The following METTL22 variants were observed in gnomAD, a reference collection of about 807,000 sequenced individuals.
METTL22 encodes methyltransferase 22, Kin17 lysine.
METTL22 carries 51 observed loss-of-function variants against 48.4 expected under a neutral mutation model. The ratio of observed to expected loss-of-function variants is 1.05; its 90% CI spans 0.84 to 1.33. METTL22 has a LOEUF of 1.33. Ranked by LOEUF, METTL22 falls within the 40% of genes most tolerant of loss-of-function variation. The probability of loss-of-function intolerance (pLI) is 0.00; values close to 1 mark genes in which losing one functional copy is unlikely to be tolerated. For synonymous variants in METTL22, 255 were observed against 214.1 expected, an observed-to-expected ratio of 1.19 and a Z score of -1.67; for missense variants, 678 against 526.9, an observed-to-expected ratio of 1.29 and a Z score of -2.81.
chr16:8,625,488 A>T lies in METTL22; in HGVS notation c.-170-8A>T. ...TGAATATAAACAAAATAACGCATTA[A>T]TTTCCAGCTGGATTCTCTTCCCTGG... On this transcript the variant is annotated splice_region_variant and splice_polypyrimidine_tract_variant and intron_variant, in intron 1 of 10. Transcript: ENST00000381920. 4 of 474,420 alleles carry T rather than the reference A, an allele frequency of 8.4e-6. No homozygotes were observed. Among genetic ancestry groups the T allele is most frequent in the Non-Finnish European group, 1.1e-5 (3 of 270,486 alleles). The allele number at this position is 474,420 out of a possible 1,614,324, so 29.4% of individuals were successfully genotyped here.
At chr16:8,637,854 C>CTGGCCAGGCGTGGTGGCTA (rs1051712169) in intron 5 of METTL22, among the ~76,000 whole-genome samples, 3 of 152,136 alleles carry the variant, frequency 2.0e-5, no homozygotes, top group African/African-American at 7.2e-5. Context: ...ACTGCTGACC[C>CTGGCCAGGCGTGGTGGCTA]TGGCCAGGCG....
the METTL22 span, among the ~76,000 whole-genome samples, chr16:8,660,517 T>G: frequency 6.6e-6 from 1 of 152,070 alleles, no homozygotes; most frequent in Non-Finnish European, 1.5e-5. Flanking sequence ...TCCTACTTCC[T>G]AGAAGAATCC....
chr16:8,628,615 T>C (rs770849843), intron 2 of METTL22, 115 bp from the exon 3 acceptor site: 37 of 1,374,750 alleles, frequency 2.7e-5, no homozygotes, highest in Admixed American at 8.1e-5. Context: ...AGTATATCTC[T>C]ACCTGGCCTT....
chr16:8,627,885 T>C (rs111447643), intron 2 of METTL22, among the ~76,000 whole-genome samples: 2 of 152,178 alleles, frequency 1.3e-5, no homozygotes, highest in Non-Finnish European at 2.9e-5. Flanking sequence ...TAGCTGGGAC[T>C]ATAGGCACAT....
intron 2 of METTL22, 146 bp downstream of exon 2, chr16:8,625,944 A>AT (rs901853380): frequency 1.9e-6 from 2 of 1,055,528 alleles, no homozygotes; most frequent in South Asian, 1.6e-5. Context: ...TTTCTTTATG[A>AT]TTTTTTAAAA....
downstream of METTL22, among the ~76,000 whole-genome samples, chr16:8,652,753 A>G (rs765582180): frequency 6.6e-6 from 1 of 152,126 alleles, no homozygotes; most frequent in Non-Finnish European, 1.5e-5. Flanking sequence ...CCTTGGCCCT[A>G]TGTGAGTGAC....
Position 8,646,341 on chromosome 16 carries a change from G to A in METTL22, c.*198G>A. Reference sequence around the variant, plus strand: ...TAGCCAGAGAAGGTTGTTGCTGTGGGCTGGAGGTCACTTTAGTTGCCTGTT... The same window carrying A: ...TAGCCAGAGAAGGTTGTTGCTGTGGACTGGAGGTCACTTTAGTTGCCTGTT... On this transcript the variant is annotated 3_prime_UTR_variant, in exon 11 of 11. Transcript: ENST00000381920. 1.3e-6 allele frequency: 1 copy of A among 748,228 alleles called. No homozygotes were observed. 46.3% of individuals were successfully genotyped at this position (748,228 alleles called of 1,614,324 possible).
At position 8,646,240 on chromosome 16, in the gene METTL22, C is replaced by A; in HGVS notation, c.*97C>A. 1 of 1,493,822 alleles carries A rather than the reference C, an allele frequency of 6.7e-7. No individual in the cohort carries two copies. Among genetic ancestry groups the A allele is most frequent in the South Asian group, 1.1e-5 (1 of 87,116 alleles). The allele number at this position is 1,493,822 out of a possible 1,614,324, so 92.5% of individuals were successfully genotyped here. Reference sequence around the variant, plus strand: ...CAAAGCAACATGCTTGAGATTTTGTCATTTTAAAAATATGGTTACACGTAC... The same window carrying A: ...CAAAGCAACATGCTTGAGATTTTGTAATTTTAAAAATATGGTTACACGTAC... On this transcript the variant is annotated 3_prime_UTR_variant, in exon 11 of 11. Transcript: ENST00000381920.
At position 8,633,853 on chromosome 16, in the gene METTL22, C is replaced by T. The variant is rs547265861; in HGVS notation, c.515-1186C>T. On this transcript the variant is annotated intron_variant, in intron 3 of 10. Transcript: ENST00000381920. ...AGTAATGCTGAACCTTAGTCAGTGT[C>T]TTTCTCTGTAATATACATGTGAGCC... Among the ~76,000 whole-genome samples, 31 of 152,358 alleles carry T rather than the reference C, an allele frequency of 2.0e-4. No homozygotes were observed. The South Asian group carries it at 6.2e-3, about 31-fold the overall frequency.
intron 6 of METTL22, among the ~76,000 whole-genome samples, chr16:8,640,843 T>TA (rs2056580417): frequency 7.1e-6 from 1 of 141,746 alleles, no homozygotes; most frequent in African/African-American, 2.7e-5. Context: ...GATGGATGGA[T>TA]GGATGGATAG....
At chr16:8,666,284 C>G in the METTL22 span, among the ~76,000 whole-genome samples, 1 of 152,144 alleles carries the variant, frequency 6.6e-6, no homozygotes, top group Non-Finnish European at 1.5e-5. Flanking sequence ...CTGTTCTGTG[C>G]CGGCTCCCAG....
At chr16:8,639,268 C>A in intron 6 of METTL22, 106 bp downstream of exon 6, 1 of 1,130,440 alleles carries the variant, frequency 8.8e-7, no homozygotes, top group Non-Finnish European at 1.3e-6. Flanking sequence ...GTCTGTGTCC[C>A]TTGCAGCAGG....
chr16:8,630,609 G>T (rs1211348280), intron 3 of METTL22, among the ~76,000 whole-genome samples: 1 of 152,126 alleles, frequency 6.6e-6, no homozygotes, highest in Non-Finnish European at 1.5e-5. Flanking sequence ...GAGCAAACCT[G>T]TCAGTTACTC....
At chr16:8,655,906 C>T in the METTL22 span, among the ~76,000 whole-genome samples, 1 of 152,214 alleles carries the variant, frequency 6.6e-6, no homozygotes, top group East Asian at 1.9e-4. Flanking sequence ...GAGGGTGATG[C>T]CTAGCTTTCT....
At chr16:8,633,447 C>G (rs565319174) in intron 3 of METTL22, among the ~76,000 whole-genome samples, 1 of 152,236 alleles carries the variant, frequency 6.6e-6, no homozygotes, top group South Asian at 2.1e-4. Flanking sequence ...AACTACAAAA[C>G]TAAAAAAATT....
rs1490083437 is a variant in METTL22, at chr16:8,629,099, T to C, written c.503T>C (p.Ile168Thr). The C allele has an allele frequency of 1.9e-5, 30 of 1,612,762 alleles. No individual in the cohort carries two copies. Among genetic ancestry groups the C allele is most frequent in the Non-Finnish European group, 2.5e-5 (29 of 1,179,746 alleles). The stretch of plus-strand genomic sequence containing the variant: ...GAAGCACAAGGCAGCCCGCACGATA[T>C]CATCAGAATAGGTAAATAGAGGTGT... ...GEEAQGSPHD[I>T]IRIEHTMATP... The change falls in exon 3 of 11, where the codon ATC becomes ACC. Residue 168 changes from isoleucine (I) to threonine (T), a missense_variant. Physicochemically the swap from Ile to Thr is moderately conservative, Grantham distance 89. Transcript: ENST00000381920.
At position 8,646,884 on chromosome 16, in the gene METTL22, G is replaced by C; in HGVS notation, c.*741G>C. 2.8e-6 allele frequency: 1 copy of C among 354,398 alleles called. No individual in the cohort carries two copies. The highest frequency in any genetic ancestry group is 5.6e-6 in the Non-Finnish European group (1 of 179,792). 22.0% of individuals were successfully genotyped at this position (354,398 alleles called of 1,614,324 possible). A position where few individuals can be genotyped will look rare whatever the true frequency, so the allele number is the denominator to read the frequency against. Reference sequence around the variant, plus strand: ...CACGTGTGTACATGTCTGTCTGTCTGGTTTTTTATCTTCTCCATCTGTGCC... The same window carrying C: ...CACGTGTGTACATGTCTGTCTGTCTCGTTTTTTATCTTCTCCATCTGTGCC... On this transcript the variant is annotated 3_prime_UTR_variant, in exon 11 of 11. Coordinates refer to ENST00000381920, the MANE Select transcript of METTL22 (RefSeq NM_024109.4).
intron 1 of METTL22, among the ~76,000 whole-genome samples, chr16:8,622,352 G>C (rs1422643914): frequency 3.9e-5 from 6 of 152,176 alleles, no homozygotes; most frequent in Admixed American, 3.9e-4. Context: ...CAACTGACTG[G>C]GGACCTATAG....
At chr16:8,637,401 C>G (rs1186327088) in intron 5 of METTL22, among the ~76,000 whole-genome samples, 2 of 147,188 alleles carry the variant, frequency 1.4e-5, no homozygotes, top group African/African-American at 5.4e-5. Flanking sequence ...TAATAGCAGA[C>G]TATAAAGAAG....
Sources: allele counts gnomAD v4.1 joint callset (sites outside exome capture counted in the v4.1 genomes callset), GRCh38; gene constraint gnomAD v4.1.1; transcripts MANE v1.5; gene names NCBI Gene and HGNC (gene_info 2026-07-23, HGNC 2026-07-21).